The following MYO10 variants were observed in gnomAD, a reference collection of about 807,000 sequenced individuals.
MYO10 encodes the protein unconventional myosin-X.
MYO10 carries 133 observed loss-of-function variants against 257.3 expected under a neutral mutation model. The ratio of observed to expected loss-of-function variants is 0.52; its 90% CI spans 0.45 to 0.60. The LOEUF (loss-of-function observed/expected upper bound fraction) is 0.60, where lower values mean the gene tolerates loss of function less well. Ranked by LOEUF, MYO10 falls within the 20% of genes least tolerant of loss-of-function variation. MYO10 has a pLI of 0.00. For synonymous variants in MYO10, 1,104 were observed against 1,028.6 expected, an observed-to-expected ratio of 1.07 and a Z score of -1.40; for missense variants, 2,399 against 2,635.7, an observed-to-expected ratio of 0.91 and a Z score of 1.97.
At chr5:16,683,990 A>C in intron 29 of MYO10, 55 bp from the exon 30 acceptor site, 2 of 1,515,794 alleles carry the variant, frequency 1.3e-6, no homozygotes, top group Non-Finnish European at 1.8e-6. Context: ...TAGGGTGCAC[A>C]CTACAGTAAT....
intron 1 of MYO10, among the ~76,000 whole-genome samples, chr5:16,878,163 CTT>C (rs1251594437): frequency 6.6e-6 from 1 of 152,206 alleles, no homozygotes; most frequent in Admixed American, 6.5e-5. Context: ...CCTTCACCCT[CTT>C]TGAGAACTCT....
chr5:16,694,756 G>A, intron 26 of MYO10, 142 bp from the exon 27 acceptor site: 3 of 1,070,390 alleles, frequency 2.8e-6, no homozygotes, highest in East Asian at 2.4e-5. Flanking sequence ...CCTCAGTGAG[G>A]AGTGGCACTG....
At chr5:16,917,051 A>T (rs1745843415) in intron 1 of MYO10, among the ~76,000 whole-genome samples, 1 of 152,224 alleles carries the variant, frequency 6.6e-6, no homozygotes, top group African/African-American at 2.4e-5. Context: ...GCCTAGAAAT[A>T]AAAATGGCTT....
chr5:16,916,009 T>C (rs71609335), intron 1 of MYO10: 21,106 of 454,920 alleles, frequency 0.046, 559 homozygotes, highest in Non-Finnish European at 0.063. Flanking sequence ...ATCCTGAATC[T>C]GAATTAACAG....
intron 1 of MYO10, among the ~76,000 whole-genome samples, chr5:16,914,270 C>T (rs1455959589): frequency 1.3e-5 from 2 of 152,214 alleles, no homozygotes; most frequent in Non-Finnish European, 1.5e-5. Flanking sequence ...CCGATCCCAA[C>T]AGCTGGCCAT....
intron 1 of MYO10, chr5:16,902,148 T>C (rs2562357): frequency 0.5 from 283,287 of 561,048 alleles, 74,633 homozygotes; most frequent in African/African-American, 0.72. Context: ...CAGATTCAAG[T>C]GATTCTCCTG....
intron 2 of MYO10, among the ~76,000 whole-genome samples, chr5:16,856,001 A>C (rs1293690307): frequency 1.3e-5 from 2 of 152,236 alleles, no homozygotes; most frequent in Admixed American, 6.5e-5. Flanking sequence ...GACGGACTTT[A>C]ACGTCTGAAA....
chr5:16,679,201 CGT>C (rs557640280), intron 33 of MYO10, among the ~76,000 whole-genome samples: 162 of 152,266 alleles, frequency 1.1e-3, no homozygotes, highest in African/African-American at 3.8e-3. Flanking sequence ...GGAATTCACT[CGT>C]GTGGTCTGGA....
chr5:16,717,658 G>A (rs1738929182), intron 19 of MYO10, among the ~76,000 whole-genome samples: 1 of 152,212 alleles, frequency 6.6e-6, no homozygotes, highest in Non-Finnish European at 1.5e-5. Flanking sequence ...CATAAACACG[G>A]ACAATCATCA....
intron 19 of MYO10, among the ~76,000 whole-genome samples, chr5:16,734,108 C>CA (rs111997085): frequency 0.12 from 16,913 of 140,634 alleles, 968 homozygotes; most frequent in Non-Finnish European, 0.13. Context: ...AAAAGGGATG[C>CA]AAAAAAAAAA....
At chr5:16,883,773 T>C (rs1744820730) in intron 1 of MYO10, among the ~76,000 whole-genome samples, 1 of 152,198 alleles carries the variant, frequency 6.6e-6, no homozygotes, top group Non-Finnish European at 1.5e-5. Context: ...ATTTCTCTTC[T>C]GATTTCAAAA....
At chr5:16,918,595 T>C (rs931064656) in intron 1 of MYO10, among the ~76,000 whole-genome samples, 3 of 146,432 alleles carry the variant, frequency 2.0e-5, no homozygotes, top group African/African-American at 7.6e-5. Flanking sequence ...CTCCGCCTCC[T>C]GGGTTCAAGC....
chr5:16,802,278 C>T lies in MYO10; in HGVS notation c.280-7445G>A, dbSNP rs369154724. On this transcript the variant is annotated intron_variant, in intron 3 of 40. Transcript: ENST00000513610. The stretch of plus-strand genomic sequence containing the variant: ...TGCAGGGTAACGTAAATATACTTAA[C>T]GCTATCGAACTGTGCATTAACAACG... Among the ~76,000 whole-genome samples the T allele has an allele frequency of 3.2e-4, 49 of 152,156 alleles. 3 individuals are homozygous for T. Among genetic ancestry groups the T allele is most frequent in the South Asian group, 2.1e-3 (10 of 4,822 alleles).
chr5:16,870,725 T>G (rs1189054277), intron 2 of MYO10, among the ~76,000 whole-genome samples: 2 of 152,170 alleles, frequency 1.3e-5, no homozygotes, highest in East Asian at 3.9e-4. Context: ...AAAGCCCATC[T>G]CTACTAAAAA....
intron 19 of MYO10, 61 bp from the exon 20 acceptor site, chr5:16,711,306 G>A (rs546326544): frequency 2.0e-6 from 3 of 1,537,142 alleles, no homozygotes; most frequent in Admixed American, 2.0e-5. Flanking sequence ...CGATAAGGGA[G>A]GCTTAATAAA....
intron 19 of MYO10, among the ~76,000 whole-genome samples, chr5:16,725,148 A>G (rs554577006): frequency 2.8e-4 from 36 of 128,260 alleles, no homozygotes; most frequent in African/African-American, 1.1e-3. Flanking sequence ...GTGCAGCGGC[A>G]TGATCTCAGC....
Position 16,935,871 on chromosome 5 carries a change from C to A in MYO10, c.-63G>T. 6.3e-7 allele frequency: 1 copy of A among 1,597,918 alleles called. No individual in the cohort carries two copies. The highest frequency in any genetic ancestry group is 8.5e-7 in the Non-Finnish European group (1 of 1,172,614). Reference sequence around the variant, plus strand: ...CGACTCGCGGAAGTCAGCGCCGCCGCGGGTCCGGGGAAACCATGCGTGTCA... The same window carrying A: ...CGACTCGCGGAAGTCAGCGCCGCCGAGGGTCCGGGGAAACCATGCGTGTCA... On this transcript the variant is annotated 5_prime_UTR_variant, in exon 1 of 41. Transcript: ENST00000513610.
At chr5:16,835,158 C>T (rs192548227) in intron 2 of MYO10, among the ~76,000 whole-genome samples, 28 of 152,018 alleles carry the variant, frequency 1.8e-4, no homozygotes, top group Non-Finnish European at 3.7e-4. Context: ...GCATGGGCGA[C>T]AGAGTGAGAC....
chr5:16,713,543 A>T, intron 19 of MYO10: 15 of 919,336 alleles, frequency 1.6e-5, no homozygotes, highest in Non-Finnish European at 1.8e-5. Flanking sequence ...AGGATTTGAC[A>T]CAGCCAGGGG....
Sources: gnomAD v4.1 joint callset for allele counts (sites outside exome capture counted in the v4.1 genomes callset) on GRCh38, gnomAD v4.1.1 for gene constraint, MANE v1.5 for transcripts, NCBI Gene and HGNC (gene_info 2026-07-23, HGNC 2026-07-21) for gene names.